Variants in FKBP10 observed in about 807,000 individuals in gnomAD.
FKBP10 encodes peptidyl-prolyl cis-trans isomerase FKBP10.
A neutral mutation model predicts 53.7 loss-of-function variants in FKBP10; 34 were observed. That is an observed-to-expected ratio of 0.63 (90% confidence interval 0.48 to 0.84). The LOEUF (loss-of-function observed/expected upper bound fraction) is 0.84, where lower values mean the gene tolerates loss of function less well. FKBP10 is among the 40% of genes least tolerant of loss of function. The pLI is 0.00. For synonymous variants in FKBP10, 324 were observed against 335.7 expected, an observed-to-expected ratio of 0.97 and a Z score of 0.38; for missense variants, 748 against 797.8, an observed-to-expected ratio of 0.94 and a Z score of 0.75.
At chr17:41,818,065 C>A (rs1555616322) in intron 2 of FKBP10, 24 bp from the exon 3 acceptor site, 1 of 1,573,454 alleles carries the variant, frequency 6.4e-7, no homozygotes, top group Non-Finnish European at 8.6e-7. Flanking sequence ...ACTCTGAGAC[C>A]TCCACGCTGC....
Position 41,819,535 on chromosome 17 carries a change from C to A in FKBP10, c.923C>A (p.Ser308Tyr). ...MDGTLFDSSY[S>Y]RNHTYNTYIG... ...CCTCCCGCCTTGTATTGCAGCTACT[C>A]CCGCAACCACACCTACAATACCTAT... Residue 308 changes from serine to tyrosine, a missense_variant, in exon 6 of 10, where the codon TCC becomes TAC. Transcript: ENST00000321562. 1 of 1,614,124 alleles carries A rather than the reference C, an allele frequency of 6.2e-7. No homozygotes were observed. Among genetic ancestry groups the A allele is most frequent in the African/African-American group, 1.3e-5 (1 of 75,048 alleles).
rs960005942 is a variant in FKBP10 at position 41,822,491 on chromosome 17, C to T, written c.*83C>T. The T allele has an allele frequency of 8.2e-6, 12 of 1,461,070 alleles. No individual in the cohort carries two copies. Among genetic ancestry groups the T allele is most frequent in the Non-Finnish European group, 1.1e-5 (12 of 1,070,856 alleles). 90.5% of individuals were successfully genotyped at this position (1,461,070 alleles called of 1,614,324 possible). A position where few individuals can be genotyped will look rare whatever the true frequency, so the allele number is the denominator to read the frequency against. ...GCGGTGGGACTGACCTGCTGACAGT[C>T]ACCCTCCCTCTGCTGGGATGAGGTC... On this transcript the variant is annotated 3_prime_UTR_variant, in exon 10 of 10. Coordinates refer to ENST00000321562, the MANE Select transcript of FKBP10 (RefSeq NM_021939.4).
Position 41,819,383 on chromosome 17 carries a change from A to C in FKBP10, c.901A>C (p.Thr301Pro). Reference protein sequence around the residue: ...YHYNGSLMDGTLFDSSYSRNH... With the variant: ...YHYNGSLMDGPLFDSSYSRNH... ...CTACAATGGCTCCTTGATGGACGGCACCCTCTTCGATTCCAGGTCAGGAGG... is the reference window on the plus strand; with the variant it reads ...CTACAATGGCTCCTTGATGGACGGCCCCCTCTTCGATTCCAGGTCAGGAGG... Residue 301 changes from threonine (T) to proline (P), a missense_variant, in exon 5 of 10, where the codon ACC becomes CCC. By Grantham distance (38) the Thr-to-Pro change is conservative (BLOSUM62 -1). Coordinates refer to ENST00000321562, the MANE Select transcript of FKBP10 (RefSeq NM_021939.4). The C allele has an allele frequency of 6.2e-7, 1 of 1,611,420 alleles. No individual in the cohort carries two copies. Among genetic ancestry groups the C allele is most frequent in the East Asian group, 2.2e-5 (1 of 44,734 alleles).
At position 41,819,410 on chromosome 17, in the gene FKBP10, T is replaced by A; in HGVS notation, c.917+11T>A. The A allele has an allele frequency of 1.2e-6, 2 of 1,612,012 alleles. No individual in the cohort carries two copies. Among genetic ancestry groups the A allele is most frequent in the Non-Finnish European group, 1.7e-6 (2 of 1,179,386 alleles). ...CCTCTTCGATTCCAGGTCAGGAGGG[T>A]CTTGAGGTGGGAGGGCGGGGGCTGG... On this transcript the variant is annotated intron_variant, in intron 5 of 9. Coordinates refer to ENST00000321562, the MANE Select transcript of FKBP10 (RefSeq NM_021939.4).
intron 1 of FKBP10, among the ~76,000 whole-genome samples, chr17:41,814,060 A>C (rs1555615808): frequency 4.6e-5 from 7 of 152,190 alleles, no homozygotes; most frequent in Non-Finnish European, 1.5e-5. Flanking sequence ...CTGCCCCAGC[A>C]AGTCCACTTT....
intron 1 of FKBP10, among the ~76,000 whole-genome samples, chr17:41,815,527 G>T (rs1002958155): frequency 6.6e-6 from 1 of 150,474 alleles, no homozygotes; most frequent in East Asian, 2.0e-4. Flanking sequence ...GTGCAGTAGC[G>T]CGATCTCTGC....
rs782789538 is a variant in FKBP10 at position 41,819,274 on chromosome 17, G to A, written c.792G>A (p.Pro264=). Residue 264 remains proline, a synonymous_variant, in exon 5 of 10, where the codon CCG becomes CCA. Transcript: ENST00000321562. ...FHVLLIDVHN[P]KDAVQLETLE... is the part of the protein sequence containing the mutation. ...TCCTCCTGATTGACGTGCACAACCC[G>A]AAGGACGCTGTCCAGCTAGAGACGC... 1.3e-5 allele frequency: 21 copies of A among 1,614,030 alleles called. No homozygotes were observed. Among genetic ancestry groups the A allele is most frequent in the African/African-American group, 2.7e-5 (2 of 74,908 alleles).
rs782817754 is a variant in FKBP10 at position 41,819,662 on chromosome 17, G to A, written c.1050G>A (p.Gly350=). Residue 350 remains glycine, a synonymous_variant, in exon 6 of 10, where the codon GGG becomes GGA. Coordinates refer to ENST00000321562, the MANE Select transcript of FKBP10 (RefSeq NM_021939.4). ...RITIPPHLAY[G]ENGTGDKIPG... is the part of the protein sequence containing the mutation. ...CCATCCCCCCGCACCTCGCCTATGG[G>A]GAGAATGGAACTGGTAGGGGCGTTC... 2 of 1,606,046 alleles carry A rather than the reference G, an allele frequency of 1.2e-6. No individual in the cohort carries two copies. The highest frequency in any genetic ancestry group is 8.5e-7 in the Non-Finnish European group (1 of 1,176,564).
Position 41,813,279 on chromosome 17 carries a change from G to C in FKBP10, c.245G>C (p.Ser82Thr), listed in dbSNP as rs782047469. ...GAAGATGGCAAGAAGTTTGATTCAA[G>C]GTAACCCCGGTTGGGCGCCCCCGGA... ...TFEDGKKFDS[S>T]YDRNTLVAIV... The change falls in exon 1 of 10, where the codon AGC (serine) becomes ACC (threonine). Residue 82 changes from serine to threonine, a missense_variant and splice_region_variant. Coordinates refer to ENST00000321562, the MANE Select transcript of FKBP10 (RefSeq NM_021939.4). The C allele has an allele frequency of 6.2e-7, 1 of 1,613,582 alleles. No individual in the cohort carries two copies. Among genetic ancestry groups the C allele is most frequent in the Non-Finnish European group, 8.5e-7 (1 of 1,179,952 alleles).
In FKBP10 at chr17:41,822,637, A is replaced by C; in HGVS notation, c.*229A>C. ...TCCATCCCTAAACCACTTCCTTAAA[A>C]TGTTTGGATTTGCAAAGCCAATTTG... is the stretch of plus-strand genomic sequence containing the variant. On this transcript the variant is annotated 3_prime_UTR_variant, in exon 10 of 10. Transcript: ENST00000321562. 1.7e-6 allele frequency: 1 copy of C among 592,126 alleles called. No homozygotes were observed. Among genetic ancestry groups the C allele is most frequent in the Non-Finnish European group, 3.0e-6 (1 of 336,330 alleles). The allele number at this position is 592,126 out of a possible 1,614,324, so 36.7% of individuals were successfully genotyped here.
rs577264401 is a variant in FKBP10, at chr17:41,818,270, C to G, written c.573C>G (p.Phe191Leu). The change falls in exon 3 of 10, where the codon TTC (phenylalanine) becomes TTG (leucine). Residue 191 changes from phenylalanine (F) to leucine (L), a missense_variant. Physicochemically the swap from Phe to Leu is conservative, Grantham distance 22. Transcript: ENST00000321562. The part of the protein sequence containing the change: ...YNGTLLDGTS[F>L]DTSYSKGGTY... ...GCACCCTGCTGGACGGCACCTCCTTCGACACCAGGTGAGGGGCTGGAGGGG... is the reference window on the plus strand; with the variant it reads ...GCACCCTGCTGGACGGCACCTCCTTGGACACCAGGTGAGGGGCTGGAGGGG... 5 of 1,613,778 alleles carry G rather than the reference C, an allele frequency of 3.1e-6. No individual in the cohort carries two copies. Among genetic ancestry groups the G allele is most frequent in the Non-Finnish European group, 4.2e-6 (5 of 1,180,024 alleles).
Position 41,813,046 on chromosome 17 carries a change from G to A in FKBP10, c.12G>A (p.Ala4=). MFP[A]GPPSHSLLRL... is the part of the protein sequence containing the mutation. The stretch of plus-strand genomic sequence containing the variant: ...CAACTCCAGGCACCATGTTCCCCGC[G>A]GGCCCCCCCAGCCACAGCCTCCTCC... Residue 4 remains alanine (A), a synonymous_variant, in exon 1 of 10, where the codon GCG becomes GCA. Coordinates refer to ENST00000321562, the MANE Select transcript of FKBP10 (RefSeq NM_021939.4). The A allele has an allele frequency of 6.2e-7, 1 of 1,609,828 alleles. No individual in the cohort carries two copies. The highest frequency in any genetic ancestry group is 2.2e-5 in the East Asian group (1 of 44,842).
Position 41,822,423 on chromosome 17 carries a change from G to A in FKBP10, c.*15G>A, listed in dbSNP as rs562639552. 5 of 1,589,112 alleles carry A rather than the reference G, an allele frequency of 3.1e-6. No individual in the cohort carries two copies. Among genetic ancestry groups the A allele is most frequent in the African/African-American group, 2.7e-5 (2 of 74,666 alleles). ...AGGAGCTCTGAGGGGCAGGGAGCCTGGCCAGGCCTGAGACACAGAGGCCCA... is the reference window on the plus strand; with the variant it reads ...AGGAGCTCTGAGGGGCAGGGAGCCTAGCCAGGCCTGAGACACAGAGGCCCA... On this transcript the variant is annotated 3_prime_UTR_variant, in exon 10 of 10. Coordinates refer to ENST00000321562, the MANE Select transcript of FKBP10 (RefSeq NM_021939.4).
intron 9 of FKBP10, 44 bp downstream of exon 9, chr17:41,821,861 C>T (rs371667550): frequency 3.5e-5 from 56 of 1,611,982 alleles, no homozygotes; most frequent in East Asian, 8.9e-5. Context: ...ACGCAATCCC[C>T]GCACCCAGGA....
rs1221007923 is a variant in FKBP10 at position 41,820,369 on chromosome 17, A to C, written c.1164A>C (p.Pro388=). 6.2e-7 allele frequency: 1 copy of C among 1,614,160 alleles called. No homozygotes were observed. Among genetic ancestry groups the C allele is most frequent in the Non-Finnish European group, 8.5e-7 (1 of 1,180,034 alleles). ...DVVEIRTLSR[P]SETCNETTKL... is the part of the protein sequence containing the mutation. ...TGGAAATCAGGACACTGTCCCGGCCATCTGAGACCTGCAATGAGACCACCA... is the reference window on the plus strand; with the variant it reads ...TGGAAATCAGGACACTGTCCCGGCCCTCTGAGACCTGCAATGAGACCACCA... The change falls in exon 7 of 10, where the codon CCA becomes CCC. Residue 388 remains proline, a synonymous_variant. Transcript: ENST00000321562.
In FKBP10 at chr17:41,821,008, G is replaced by A. The variant is rs1307689636; in HGVS notation, c.1318G>A (p.Asp440Asn). Reference sequence around the variant, plus strand: ...GGCCAACAAGGTGATCGAAGGCCTGGACACGGGCCTGCAGGGCATGTGTGT... The same window carrying A: ...GGCCAACAAGGTGATCGAAGGCCTGAACACGGGCCTGCAGGGCATGTGTGT... ...LGANKVIEGLDTGLQGMCVGE... is the reference protein window; with the variant it reads ...LGANKVIEGLNTGLQGMCVGE... The change falls in exon 8 of 10, where the codon GAC becomes AAC. Residue 440 changes from aspartate (D) to asparagine (N), a missense_variant. Coordinates refer to ENST00000321562, the MANE Select transcript of FKBP10 (RefSeq NM_021939.4). 1.9e-6 allele frequency: 3 copies of A among 1,608,608 alleles called. No individual in the cohort carries two copies. The highest frequency in any genetic ancestry group is 2.7e-5 in the African/African-American group (2 of 74,860).
At position 41,820,446 on chromosome 17, in the gene FKBP10, C is replaced by T. The variant is rs782589156; in HGVS notation, c.1241C>T (p.Thr414Ile). The T allele has an allele frequency of 7.4e-6, 12 of 1,613,964 alleles. No homozygotes were observed. The highest frequency in any genetic ancestry group is 5.0e-5 in the Admixed American group (3 of 59,978). ...YHYNCSLLDGTQLFTSHDYGA... is the reference protein window; with the variant it reads ...YHYNCSLLDGIQLFTSHDYGA... ...TACAACTGTTCTTTGCTGGACGGCA[C>T]CCAGCTGTTCACCTCGTGGGTCCGG... is the stretch of plus-strand genomic sequence containing the variant. The change falls in exon 7 of 10, where the codon ACC becomes ATC. Residue 414 changes from threonine (T) to isoleucine (I), a missense_variant. Physicochemically the swap from Thr to Ile is moderately conservative, Grantham distance 89. Transcript: ENST00000321562.
Position 41,818,282 on chromosome 17 carries a change from A to AGGGGCT in FKBP10, c.581+7_581+12dup. The AGGGGCT allele has an allele frequency of 6.2e-7, 1 of 1,613,796 alleles. No individual in the cohort carries two copies. The highest frequency in any genetic ancestry group is 8.5e-7 in the Non-Finnish European group (1 of 1,180,014). The stretch of plus-strand genomic sequence containing the variant: ...ACGGCACCTCCTTCGACACCAGGTG[A>AGGGGCT]GGGGCTGGAGGGGAGCCCTGAGGCA... On this transcript the variant is annotated splice_donor_region_variant and intron_variant, in intron 3 of 9. Coordinates refer to ENST00000321562, the MANE Select transcript of FKBP10 (RefSeq NM_021939.4).
chr17:41,816,973 G>A (rs1286532456), intron 1 of FKBP10, 85 bp from the exon 2 acceptor site: 2 of 1,588,484 alleles, frequency 1.3e-6, no homozygotes, highest in African/African-American at 1.3e-5. Flanking sequence ...GTGCGTGTGT[G>A]CAGGCACACC....
Sources: gnomAD v4.1 joint callset for allele counts (sites outside exome capture counted in the v4.1 genomes callset) on GRCh38, gnomAD v4.1.1 for gene constraint, MANE v1.5 for transcripts, NCBI Gene and HGNC (gene_info 2026-07-23, HGNC 2026-07-21) for gene names.